MARCHF1: variants seen among roughly 807,000 people sequenced by gnomAD.
The protein encoded by MARCHF1 is membrane associated ring-CH-type finger 1.
A neutral mutation model predicts 54.2 loss-of-function variants in MARCHF1; 40 were observed. The observed-to-expected ratio is 0.74, with a 90% CI of 0.57 to 0.96. The LOEUF (loss-of-function observed/expected upper bound fraction) is 0.96. MARCHF1 is among the 40% of genes least tolerant of loss of function. The pLI, the probability that MARCHF1 is intolerant of heterozygous loss-of-function variation, is 0.00. For synonymous variants in MARCHF1, 236 were observed against 236.3 expected (o/e 1.00, Z 0.01); for missense variants, 586 against 656.5 (o/e 0.89, Z 1.17).
chr4:163,938,544 G>A (rs1158264543), intron 3 of MARCHF1, among the ~76,000 whole-genome samples: 2 of 152,160 alleles, frequency 1.3e-5, no homozygotes, highest in Non-Finnish European at 2.9e-5. Context: ...TGGCCACATT[G>A]TACCCTGGCA....
At chr4:164,190,383 A>G (rs1355065301) in intron 1 of MARCHF1, 1 of 505,716 alleles carries the variant, frequency 2.0e-6, no homozygotes, top group Admixed American at 3.7e-5. Context: ...GGACTCAGGA[A>G]CTTTCCTTAG....
intron 1 of MARCHF1, among the ~76,000 whole-genome samples, chr4:164,275,558 T>G (rs891131604): frequency 6.6e-6 from 1 of 152,246 alleles, no homozygotes; most frequent in Non-Finnish European, 1.5e-5. Context: ...GACATAAACT[T>G]GATAAATAAC....
chr4:163,782,716 T>C (rs903250065), intron 4 of MARCHF1, among the ~76,000 whole-genome samples: 5 of 146,528 alleles, frequency 3.4e-5, no homozygotes, highest in African/African-American at 1.3e-4. Context: ...GTCCAGCAAG[T>C]AGTCATGGGC....
At position 164,279,777 on chromosome 4, in the gene MARCHF1, T is replaced by C. The variant is rs1733979514; in HGVS notation, c.-323+104093A>G. Among the ~76,000 whole-genome samples the C allele has an allele frequency of 6.6e-5, 10 of 151,672 alleles. 1 individual carries two copies. The highest frequency in any genetic ancestry group is 6.6e-4 in the Admixed American group (10 of 15,238). On this transcript the variant is annotated intron_variant, in intron 1 of 9. Coordinates refer to ENST00000514618, the MANE Select transcript of MARCHF1 (RefSeq NM_001394959.1). ...ATGTAAAAAAGTAACTGCTATATTG[T>C]TTAACTATTTCTAACTAGAAGAATA...
intron 3 of MARCHF1, among the ~76,000 whole-genome samples, chr4:163,949,607 G>C (rs903438435): frequency 6.6e-6 from 1 of 152,186 alleles, no homozygotes; most frequent in Non-Finnish European, 1.5e-5. Flanking sequence ...AAGATGAAGC[G>C]GGGCTTTACT....
intron 3 of MARCHF1, among the ~76,000 whole-genome samples, chr4:163,953,707 A>G (rs1752178567): frequency 6.6e-6 from 1 of 152,160 alleles, no homozygotes; most frequent in South Asian, 2.1e-4. Context: ...TGCATAGCCT[A>G]TGAGTTAAGA....
At chr4:163,836,839 T>C (rs1409665987) in intron 4 of MARCHF1, among the ~76,000 whole-genome samples, 2 of 151,284 alleles carry the variant, frequency 1.3e-5, no homozygotes, top group African/African-American at 2.4e-5. Flanking sequence ...TCATGTGAGT[T>C]AGCCCATTAG....
At chr4:164,033,238 T>C (rs969179845) in intron 2 of MARCHF1, among the ~76,000 whole-genome samples, 4 of 149,586 alleles carry the variant, frequency 2.7e-5, no homozygotes, top group African/African-American at 7.4e-5. Context: ...ACAACTAAAA[T>C]TGGACCCCTT....
At chr4:163,765,908 A>G (rs898543419) in intron 4 of MARCHF1, among the ~76,000 whole-genome samples, 1 of 147,830 alleles carries the variant, frequency 6.8e-6, no homozygotes, top group African/African-American at 2.5e-5. Flanking sequence ...ATAATTATAT[A>G]TAATATATAA....
rs1488605282 is a variant in MARCHF1, at chr4:163,848,350, C to A, written c.111+5671G>T. Among the ~76,000 whole-genome samples the A allele has an allele frequency of 2.0e-5, 3 of 151,990 alleles. No homozygotes were observed. In the East Asian group the frequency reaches 5.8e-4, roughly 29 times the overall value. On this transcript the variant is annotated intron_variant, in intron 4 of 9. Coordinates refer to ENST00000514618, the MANE Select transcript of MARCHF1 (RefSeq NM_001394959.1). Reference sequence around the variant, plus strand: ...CAAACACATAGAGTGACACTTTGTTCTTTTTTTCTTTGTAACTCCAGTCTA... The same window carrying A: ...CAAACACATAGAGTGACACTTTGTTATTTTTTTCTTTGTAACTCCAGTCTA...
At chr4:163,571,298 T>A (rs532187640) in intron 8 of MARCHF1, among the ~76,000 whole-genome samples, 10 of 152,262 alleles carry the variant, frequency 6.6e-5, no homozygotes, top group African/African-American at 2.4e-4. Flanking sequence ...CCTCCCTCCA[T>A]CTCTGTCCTG....
intron 4 of MARCHF1, among the ~76,000 whole-genome samples, chr4:163,846,094 A>G (rs1172116838): frequency 6.6e-6 from 1 of 152,210 alleles, no homozygotes; most frequent in East Asian, 1.9e-4. Context: ...TACCTTTGGC[A>G]GTACTTAGTA....
chr4:164,155,009 A>G (rs1456285106), intron 1 of MARCHF1, among the ~76,000 whole-genome samples: 1 of 152,174 alleles, frequency 6.6e-6, no homozygotes, highest in African/African-American at 2.4e-5. Context: ...GACTGTCCCC[A>G]GCCAAACTCC....
chr4:163,922,904 A>G (rs1751461855), intron 3 of MARCHF1, among the ~76,000 whole-genome samples: 1 of 152,226 alleles, frequency 6.6e-6, no homozygotes, highest in Non-Finnish European at 1.5e-5. Flanking sequence ...AGAAAAAAGA[A>G]TCACCAATAA....
intron 1 of MARCHF1, among the ~76,000 whole-genome samples, chr4:164,349,617 A>G (rs1730219817): frequency 6.6e-6 from 1 of 152,178 alleles, no homozygotes; most frequent in South Asian, 2.1e-4. Context: ...TTAGAGAGTA[A>G]AAGTTTTCAT....
intron 1 of MARCHF1, among the ~76,000 whole-genome samples, chr4:164,311,421 C>T (rs17044898): frequency 0.096 from 14,648 of 152,188 alleles, 792 homozygotes; most frequent in Middle Eastern, 0.11. Context: ...GATGCCTCTG[C>T]TATGCAAATT....
chr4:163,546,246 G>A (rs971651601), intron 8 of MARCHF1, among the ~76,000 whole-genome samples: 1 of 152,104 alleles, frequency 6.6e-6, no homozygotes, highest in East Asian at 1.9e-4. Flanking sequence ...CCAAAGTGCT[G>A]GGATTATAGG....
At position 163,553,046 on chromosome 4, in the gene MARCHF1, A is replaced by G. The variant is rs11737143; in HGVS notation, c.1192-7303T>C. The stretch of plus-strand genomic sequence containing the variant: ...AGACTCCGTCTCAAAAAAAAAAAAA[A>G]AAAAAGAAGAATGAGCGCTCTGGGT... On this transcript the variant is annotated intron_variant, in intron 8 of 9. Coordinates refer to ENST00000514618, the MANE Select transcript of MARCHF1 (RefSeq NM_001394959.1). Among the ~76,000 whole-genome samples the G allele has an allele frequency of 9.1e-3, 1,334 of 147,060 alleles. 33 individuals carry two copies. Among genetic ancestry groups the G allele is most frequent in the African/African-American group, 0.028 (1,115 of 40,092 alleles).
intron 5 of MARCHF1, among the ~76,000 whole-genome samples, chr4:163,664,694 C>A (rs187790106): frequency 1.3e-5 from 2 of 152,012 alleles, no homozygotes; most frequent in African/African-American, 2.4e-5. Flanking sequence ...GGGCTTAGGA[C>A]AGAATAAATC....
Sources: gnomAD v4.1 joint callset for allele counts (sites outside exome capture counted in the v4.1 genomes callset) on GRCh38, gnomAD v4.1.1 for gene constraint, MANE v1.5 for transcripts, NCBI Gene and HGNC (gene_info 2026-07-23, HGNC 2026-07-21) for gene names.